Variants in MBOAT2 observed in about 807,000 individuals in gnomAD.
The protein encoded by MBOAT2 is membrane-bound glycerophospholipid O-acyltransferase 2.
In MBOAT2, 28 loss-of-function variants were observed where a neutral mutation model predicts 63.4. The observed-to-expected ratio is 0.44, with a 90% CI of 0.33 to 0.61. The LOEUF (loss-of-function observed/expected upper bound fraction) is 0.61, where lower values mean the gene tolerates loss of function less well. Among genes scored for constraint, MBOAT2 ranks in the 20% least tolerant of loss-of-function variants. MBOAT2 has a pLI of 0.03. For missense variants in MBOAT2, 470 were observed against 605.8 expected (o/e 0.78, Z 2.35); for synonymous variants, 211 against 215.6 (o/e 0.98, Z 0.19).
At chr2:8,978,439 CTTA>C (rs1558678021) in intron 1 of MBOAT2, among the ~76,000 whole-genome samples, 1 of 152,120 alleles carries the variant, frequency 6.6e-6, no homozygotes, top group African/African-American at 2.4e-5. Flanking sequence ...AACAATTTTA[CTTA>C]TTTATTATAT....
At chr2:8,966,850 C>T (rs891854968) in intron 1 of MBOAT2, among the ~76,000 whole-genome samples, 2 of 152,182 alleles carry the variant, frequency 1.3e-5, no homozygotes, top group Non-Finnish European at 1.5e-5. Context: ...CACTCCAATA[C>T]CCATGTGTCT....
Position 8,854,745 on chromosome 2 carries a change from A to G in MBOAT2, c.*3934T>C, listed in dbSNP as rs1189177049. 2.6e-5 allele frequency: 4 copies of G among 152,218 alleles called. No individual in the cohort carries two copies. The highest frequency in any genetic ancestry group is 9.6e-5 in the African/African-American group (4 of 41,454). The allele number at this position is 152,218 out of a possible 1,614,324, so 9.4% of individuals were successfully genotyped here. On this transcript the variant is annotated 3_prime_UTR_variant, in exon 13 of 13. Coordinates refer to ENST00000305997, the MANE Select transcript of MBOAT2 (RefSeq NM_138799.4). ...AAATAGGAGAGATTTTTGTCCTAAA[A>G]CTGTGATCTAGTCCTTGAGTAAAAG...
At chr2:8,932,289 G>A (rs997663116) in intron 3 of MBOAT2, among the ~76,000 whole-genome samples, 1 of 152,034 alleles carries the variant, frequency 6.6e-6, no homozygotes, top group African/African-American at 2.4e-5. Context: ...CTTACAGAAG[G>A]TTGAACAATT....
intron 1 of MBOAT2, among the ~76,000 whole-genome samples, chr2:9,000,872 TTTAA>T (rs1262002724): frequency 4.6e-5 from 7 of 152,270 alleles, no homozygotes; most frequent in Admixed American, 1.3e-4. Flanking sequence ...TTATTAAGTT[TTTAA>T]TTCTTTTATA....
At chr2:8,953,517 C>A (rs1668987720) in intron 2 of MBOAT2, among the ~76,000 whole-genome samples, 1 of 152,188 alleles carries the variant, frequency 6.6e-6, no homozygotes, top group African/African-American at 2.4e-5. Context: ...CTGAATAATT[C>A]CCTCAAATAC....
chr2:8,889,526 C>A (rs1663832223), intron 4 of MBOAT2, among the ~76,000 whole-genome samples: 1 of 152,182 alleles, frequency 6.6e-6, no homozygotes, highest in African/African-American at 2.4e-5. Context: ...CCCCAGGTGG[C>A]TTGGAACACC....
chr2:8,899,898 C>T (rs1355656974), intron 4 of MBOAT2, among the ~76,000 whole-genome samples: 3 of 152,132 alleles, frequency 2.0e-5, no homozygotes, highest in Non-Finnish European at 4.4e-5. Flanking sequence ...AATAATGCCT[C>T]CAGATTTTGT....
At chr2:8,976,319 TA>T (rs1341450256) in intron 1 of MBOAT2, among the ~76,000 whole-genome samples, 1 of 152,032 alleles carries the variant, frequency 6.6e-6, no homozygotes, top group Non-Finnish European at 1.5e-5. Flanking sequence ...TAACCAACTA[TA>T]AAAAATTCCT....
intron 4 of MBOAT2, among the ~76,000 whole-genome samples, chr2:8,897,701 T>C (rs967616122): frequency 2.6e-5 from 4 of 152,124 alleles, no homozygotes; most frequent in South Asian, 2.1e-4. Flanking sequence ...CATCAGTATA[T>C]AGGTTAAGGT....
At chr2:8,953,983 C>T (rs1230863615) in intron 2 of MBOAT2, among the ~76,000 whole-genome samples, 1 of 152,202 alleles carries the variant, frequency 6.6e-6, no homozygotes, top group Non-Finnish European at 1.5e-5. Context: ...TTGGCAGTGT[C>T]ACTACATGAT....
intron 2 of MBOAT2, among the ~76,000 whole-genome samples, chr2:8,945,955 G>A (rs1003477254): frequency 2.2e-4 from 33 of 152,094 alleles, no homozygotes; most frequent in Non-Finnish European, 1.0e-4. Context: ...CAATGAGACC[G>A]TTTATGTCCT....
intron 8 of MBOAT2, among the ~76,000 whole-genome samples, chr2:8,869,194 A>G (rs964384404): frequency 1.3e-5 from 2 of 148,862 alleles, no homozygotes; most frequent in Non-Finnish European, 3.0e-5. Flanking sequence ...CTGCAGGTGC[A>G]CATCATCATG....
At chr2:8,923,490 C>A (rs1161976768) in intron 3 of MBOAT2, among the ~76,000 whole-genome samples, 1 of 152,168 alleles carries the variant, frequency 6.6e-6, no homozygotes, top group African/African-American at 2.4e-5. Context: ...CAGGCCCCTG[C>A]CAACCGGAGC....
chr2:8,944,727 GAAGCAGAAAAACCTAAATGAGTATAAA>G (rs1417139306), intron 2 of MBOAT2, among the ~76,000 whole-genome samples: 2 of 151,050 alleles, frequency 1.3e-5, no homozygotes, highest in Non-Finnish European at 2.9e-5. Context: ...ATAATCAGAG[GAAGCAGAAAAACCTAAATGAGTATAAA>G]AGGAAATAGA....
intron 1 of MBOAT2, among the ~76,000 whole-genome samples, chr2:8,975,295 T>A (rs1430587227): frequency 6.6e-6 from 1 of 152,174 alleles, no homozygotes; most frequent in East Asian, 1.9e-4. Context: ...TTCATACTTT[T>A]TGGGATCCCA....
intron 4 of MBOAT2, 69 bp downstream of exon 4, chr2:8,908,552 A>G (rs1665494689): frequency 1.2e-6 from 1 of 820,674 alleles, no homozygotes; most frequent in South Asian, 1.6e-5. Flanking sequence ...AAATGCAAAT[A>G]TATTTTGTCC....
intron 1 of MBOAT2, among the ~76,000 whole-genome samples, chr2:8,993,490 G>C (rs1485019415): frequency 6.6e-6 from 1 of 152,160 alleles, no homozygotes; most frequent in Admixed American, 6.5e-5. Context: ...GGCCAGTGAA[G>C]TGAGTGTCCA....
chr2:9,003,372 G>C lies in MBOAT2; in HGVS notation c.75+168C>G, dbSNP rs1412691419. 1.3e-5 allele frequency among the ~76,000 whole-genome samples: 2 copies of C among 151,776 alleles called. No individual in the cohort carries two copies. The highest frequency in any genetic ancestry group is 2.9e-5 in the Non-Finnish European group (2 of 67,904). Reference sequence around the variant, plus strand: ...CGCACCCAGGAGGGAGGGGGCTCTGGGACAATAACCGGCTTGTTGCCCCCT... The same window carrying C: ...CGCACCCAGGAGGGAGGGGGCTCTGCGACAATAACCGGCTTGTTGCCCCCT... On this transcript the variant is annotated intron_variant, in intron 1 of 12. Transcript: ENST00000305997. The surrounding 1 kb of genome is among the most constrained non-coding windows in gnomAD (Gnocchi z 5.4).
intron 1 of MBOAT2, among the ~76,000 whole-genome samples, chr2:8,990,498 T>C (rs914800323): frequency 6.6e-6 from 1 of 152,178 alleles, no homozygotes; most frequent in African/African-American, 2.4e-5. Flanking sequence ...AATTTTTTAA[T>C]CTACTGAAGC....
Sources: allele counts gnomAD v4.1 joint callset (sites outside exome capture counted in the v4.1 genomes callset), GRCh38; gene constraint gnomAD v4.1.1; non-coding constraint Gnocchi (gnomAD v3.1); transcripts MANE v1.5; gene names NCBI Gene and HGNC (gene_info 2026-07-23, HGNC 2026-07-21).